The following WNK1 variants were observed in gnomAD, a reference collection of about 807,000 sequenced individuals.
WNK1 encodes serine/threonine-protein kinase WNK1.
In WNK1, 38 loss-of-function variants were observed where a neutral mutation model predicts 222.8. That is an observed-to-expected ratio of 0.17 (90% CI 0.13 to 0.22). The LOEUF (loss-of-function observed/expected upper bound fraction) is 0.22, where lower values mean the gene tolerates loss of function less well. Ranked by LOEUF, WNK1 falls within the 10% of genes least tolerant of loss-of-function variation. The pLI is 1.00. For missense variants in WNK1, 2,348 were observed against 2,918.4 expected (o/e 0.80, Z 4.50); for synonymous variants, 1,090 against 1,092.9 (o/e 1.00, Z 0.05).
At chr12:837,254 A>C (rs75453016) in intron 4 of WNK1, among the ~76,000 whole-genome samples, 1 of 152,100 alleles carries the variant, frequency 6.6e-6, no homozygotes, top group East Asian at 1.9e-4. Flanking sequence ...TTATTTGAAC[A>C]CTCAGCAATG....
chr12:757,331 TTTA>T (rs1194931457), intron 1 of WNK1, among the ~76,000 whole-genome samples: 5 of 104,722 alleles, frequency 4.8e-5, no homozygotes, highest in South Asian at 3.2e-4. Context: ...TTTTTTTTTT[TTTA>T]AAAAAAAAAA....
intron 1 of WNK1, among the ~76,000 whole-genome samples, chr12:810,842 A>T (rs1364916207): frequency 6.6e-6 from 1 of 152,202 alleles, no homozygotes; most frequent in Non-Finnish European, 1.5e-5. Flanking sequence ...GGTAGTACTG[A>T]GATGAGCAAT....
chr12:807,762 C>T (rs1347480252), intron 1 of WNK1, among the ~76,000 whole-genome samples: 9 of 135,868 alleles, frequency 6.6e-5, no homozygotes, highest in Non-Finnish European at 1.2e-4. Context: ...CTCTGTGGCC[C>T]AGGCTGGAGT....
At position 854,006 on chromosome 12, in the gene WNK1, C is replaced by T. The variant is rs539188113; in HGVS notation, c.1312-3155C>T. On this transcript the variant is annotated intron_variant, in intron 4 of 27. Transcript: ENST00000315939. The stretch of plus-strand genomic sequence containing the variant: ...GCTCAAACGATCCTCCTGCCTCAGC[C>T]TCCCAAAGTGCTGGGACTACAGCTT... 3.9e-5 allele frequency among the ~76,000 whole-genome samples: 6 copies of T among 152,230 alleles called. No individual in the cohort carries two copies. The South Asian group carries it at 6.2e-4, about 16-fold the overall frequency.
intron 5 of WNK1, among the ~76,000 whole-genome samples, chr12:857,831 C>A (rs1950902520): frequency 6.6e-6 from 1 of 152,120 alleles, no homozygotes; most frequent in Admixed American, 6.5e-5. Context: ...GATTCATCAC[C>A]CGTCAGGCAT....
chr12:859,599 T>C (rs1592051425), intron 6 of WNK1, 135 bp downstream of exon 6: 5 of 615,612 alleles, frequency 8.1e-6, no homozygotes, highest in Non-Finnish European at 1.4e-5. Flanking sequence ...CCCTAAAAGT[T>C]ATCTTTGATT....
Position 887,315 on chromosome 12 carries a change from A to G in WNK1, c.5364+11A>G. On this transcript the variant is annotated intron_variant, in intron 20 of 27. Coordinates refer to ENST00000315939, the MANE Select transcript of WNK1 (RefSeq NM_018979.4). ...CCTTCTCTAACCCAGGTGCCTCAAG[A>G]CTTGACAAATTTCTTCCTGTGCCCT... 1 of 1,614,020 alleles carries G rather than the reference A, an allele frequency of 6.2e-7. No homozygotes were observed. The highest frequency in any genetic ancestry group is 8.5e-7 in the Non-Finnish European group (1 of 1,179,890).
At chr12:859,536 C>T (rs963344260) in intron 6 of WNK1, 72 bp downstream of exon 6, 3 of 1,252,338 alleles carry the variant, frequency 2.4e-6, no homozygotes, top group Non-Finnish European at 3.4e-6. Flanking sequence ...AGCAAAAAAG[C>T]AGTTGATGAA....
chr12:837,998 T>C (rs1459572637), intron 4 of WNK1, among the ~76,000 whole-genome samples: 1 of 152,202 alleles, frequency 6.6e-6, no homozygotes, highest in African/African-American at 2.4e-5. Context: ...CTTCTTTCAC[T>C]TTGTATAGTG....
In WNK1 at chr12:880,955, T is replaced by G; in HGVS notation, c.3067T>G (p.Leu1023Val). ...TCAAGTGTCCCAGCCAGGAGGGAGTTTAGCACAAGCCCCCACTACATCCTC... is the reference window on the plus strand; with the variant it reads ...TCAAGTGTCCCAGCCAGGAGGGAGTGTAGCACAAGCCCCCACTACATCCTC... Reference protein sequence around the residue: ...QVQVSQPGGSLAQAPTTSSQQ... With the variant: ...QVQVSQPGGSVAQAPTTSSQQ... Residue 1023 changes from leucine (L) to valine (V), a missense_variant, in exon 12 of 28, where the codon TTA (leucine) becomes GTA (valine). Coordinates refer to ENST00000315939, the MANE Select transcript of WNK1 (RefSeq NM_018979.4). 1 of 1,614,160 alleles carries G rather than the reference T, an allele frequency of 6.2e-7. No homozygotes were observed. Among genetic ancestry groups the G allele is most frequent in the African/African-American group, 1.3e-5 (1 of 75,046 alleles).
chr12:754,054 C>T lies in WNK1; in HGVS notation c.489C>T (p.Asp163=), dbSNP rs1165709794. The T allele has an allele frequency of 6.2e-6, 10 of 1,600,362 alleles. No individual in the cohort carries two copies. Among genetic ancestry groups the T allele is most frequent in the Non-Finnish European group, 7.7e-6 (9 of 1,173,922 alleles). The change falls in exon 1 of 28, where the codon GAC becomes GAT. Residue 163 remains aspartate, a synonymous_variant. Transcript: ENST00000315939. ...PSTVPSSTSK[D]RPVSQPSLVG... ...CTGTCCCCAGCAGTACCAGCAAAGA[C>T]CGCCCAGTGTCCCAGCCTAGCCTTG...
At chr12:867,919 G>A in intron 8 of WNK1, 1 of 1,613,976 alleles carries the variant, frequency 6.2e-7, no homozygotes, top group Non-Finnish European at 8.5e-7. Context: ...CAGAATCACA[G>A]ATATTTTTCC....
chr12:836,095 T>A (rs1482153394), intron 4 of WNK1, among the ~76,000 whole-genome samples: 1 of 152,216 alleles, frequency 6.6e-6, no homozygotes, highest in Non-Finnish European at 1.5e-5. Context: ...AATGTATGAC[T>A]AGGTACTAAT....
At chr12:847,847 G>A (rs922142711) in intron 4 of WNK1, among the ~76,000 whole-genome samples, 3 of 116,954 alleles carry the variant, frequency 2.6e-5, no homozygotes, top group African/African-American at 6.7e-5. Flanking sequence ...TCACTCTGTC[G>A]TTAGGCTGGA....
chr12:905,209 G>T (rs1223245531), intron 26 of WNK1, among the ~76,000 whole-genome samples: 3 of 152,088 alleles, frequency 2.0e-5, no homozygotes, highest in Non-Finnish European at 4.4e-5. Flanking sequence ...TCTCTCAAAG[G>T]CCTTTCTACA....
chr12:819,161 T>A (rs1156823860), intron 2 of WNK1, among the ~76,000 whole-genome samples: 1 of 152,226 alleles, frequency 6.6e-6, no homozygotes, highest in East Asian at 1.9e-4. Context: ...GAAATGTTTA[T>A]TCAAGTTCTT....
At chr12:871,854 C>T (rs1350823191) in intron 9 of WNK1, among the ~76,000 whole-genome samples, 1 of 152,110 alleles carries the variant, frequency 6.6e-6, no homozygotes, top group Non-Finnish European at 1.5e-5. Context: ...CCACCCTCCT[C>T]GGCTTCCCAA....
chr12:789,732 G>A (rs1030902002), intron 1 of WNK1, among the ~76,000 whole-genome samples: 1 of 151,962 alleles, frequency 6.6e-6, no homozygotes, highest in African/African-American at 2.4e-5. Context: ...TTTTCAGGAT[G>A]TTTTTATAAT....
Position 910,598 on chromosome 12 carries a change from A to C in WNK1, c.*1806A>C, listed in dbSNP as rs1422741729. On this transcript the variant is annotated 3_prime_UTR_variant, in exon 28 of 28. Coordinates refer to ENST00000315939, the MANE Select transcript of WNK1 (RefSeq NM_018979.4). ...TGTTATCTCTGAAGACAAAGAAAGAAGCTAGGACTCTTAATTTTGGGGTGC... is the reference window on the plus strand; with the variant it reads ...TGTTATCTCTGAAGACAAAGAAAGACGCTAGGACTCTTAATTTTGGGGTGC... The C allele has an allele frequency of 6.6e-6, 1 of 152,230 alleles. No homozygotes were observed. Among genetic ancestry groups the C allele is most frequent in the Non-Finnish European group, 1.5e-5 (1 of 68,044 alleles). The allele number at this position is 152,230 out of a possible 1,614,324, so 9.4% of individuals were successfully genotyped here. A position where few individuals can be genotyped will look rare whatever the true frequency, so the allele number is the denominator to read the frequency against.
Sources: allele counts gnomAD v4.1 joint callset (sites outside exome capture counted in the v4.1 genomes callset), GRCh38; gene constraint gnomAD v4.1.1; transcripts MANE v1.5; gene names NCBI Gene and HGNC (gene_info 2026-07-23, HGNC 2026-07-21).